CLSTN2: variants seen among roughly 807,000 people sequenced by gnomAD.
CLSTN2 encodes calsyntenin-2.
A neutral mutation model predicts 101.2 loss-of-function variants in CLSTN2; 48 were observed. The observed-to-expected ratio is 0.47, with a 90% confidence interval of 0.38 to 0.60. CLSTN2 has a LOEUF of 0.60. Among genes scored for constraint, CLSTN2 ranks in the 20% least tolerant of loss-of-function variants. The pLI is 0.00. For missense variants in CLSTN2, 1,160 were observed against 1,238.2 expected (o/e 0.94, Z 0.95); for synonymous variants, 481 against 463.6 (o/e 1.04, Z -0.48).
chr3:140,485,355 A>G (rs1934215116), intron 8 of CLSTN2, among the ~76,000 whole-genome samples: 1 of 152,226 alleles, frequency 6.6e-6, no homozygotes, highest in Non-Finnish European at 1.5e-5. Flanking sequence ...GTGAGGTGTC[A>G]GTCGGCCCCT....
rs540082065 is a variant in CLSTN2, at chr3:139,996,421, G to A, written c.109+60938G>A. Among the ~76,000 whole-genome samples the A allele has an allele frequency of 7.9e-5, 12 of 152,066 alleles. No homozygotes were observed. In the East Asian group the frequency reaches 2.1e-3, roughly 27 times the overall value. On this transcript the variant is annotated intron_variant, in intron 1 of 16. Coordinates refer to ENST00000458420, the MANE Select transcript of CLSTN2 (RefSeq NM_022131.3). ...TTTGTTTTTTTTGAGACGGAGTCTCGCTCTGTCGCCCAGGCTGGAGTACAG... is the reference window on the plus strand; with the variant it reads ...TTTGTTTTTTTTGAGACGGAGTCTCACTCTGTCGCCCAGGCTGGAGTACAG...
At chr3:140,165,438 A>G (rs892594701) in intron 1 of CLSTN2, among the ~76,000 whole-genome samples, 1 of 152,204 alleles carries the variant, frequency 6.6e-6, no homozygotes, top group Non-Finnish European at 1.5e-5. Context: ...CTCCCGGTCA[A>G]GGGGCCTCAG....
intron 10 of CLSTN2, among the ~76,000 whole-genome samples, chr3:140,551,729 G>C (rs1333036423): frequency 1.3e-5 from 2 of 151,708 alleles, no homozygotes; most frequent in African/African-American, 4.8e-5. Flanking sequence ...CGAATCTCTT[G>C]TGTATAAAAT....
At position 140,568,918 on chromosome 3, in the gene CLSTN2, A is replaced by G. The variant is rs372864712; in HGVS notation, c.*2665A>G. 6 of 152,068 alleles carry G rather than the reference A, an allele frequency of 3.9e-5. No homozygotes were observed. The highest frequency in any genetic ancestry group is 1.4e-4 in the African/African-American group (6 of 41,468). 9.4% of individuals were successfully genotyped at this position (152,068 alleles called of 1,614,324 possible). A position where few individuals can be genotyped will look rare whatever the true frequency, so the allele number is the denominator to read the frequency against. On this transcript the variant is annotated 3_prime_UTR_variant, in exon 17 of 17. Coordinates refer to ENST00000458420, the MANE Select transcript of CLSTN2 (RefSeq NM_022131.3). ...ATTTGAGGAAGCATTTGGTTGGTGG[A>G]CTCATTTGCAGAGAAACAGTGGTGA...
At chr3:140,176,763 T>G (rs2010331761) in intron 2 of CLSTN2, among the ~76,000 whole-genome samples, 1 of 152,236 alleles carries the variant, frequency 6.6e-6, no homozygotes, top group Non-Finnish European at 1.5e-5. Context: ...GAGGAGGGAT[T>G]AGACAAAGGA....
At chr3:140,305,386 C>T (rs955724838) in intron 2 of CLSTN2, among the ~76,000 whole-genome samples, 9 of 152,124 alleles carry the variant, frequency 5.9e-5, no homozygotes, top group African/African-American at 2.2e-4. Flanking sequence ...CTTCGAAACA[C>T]CTTAAGTTGC....
At chr3:140,557,729 G>A (rs1186179268) in intron 11 of CLSTN2, among the ~76,000 whole-genome samples, 2 of 152,182 alleles carry the variant, frequency 1.3e-5, no homozygotes, top group Non-Finnish European at 1.5e-5. Context: ...GGTGATGGCT[G>A]TCACCAGCTG....
intron 8 of CLSTN2, among the ~76,000 whole-genome samples, chr3:140,472,084 G>A (rs1933863155): frequency 6.6e-6 from 1 of 152,112 alleles, no homozygotes; most frequent in African/African-American, 2.4e-5. Context: ...CACAGAGAAT[G>A]CTAAACTCCC....
At chr3:140,070,448 A>C (rs2008371374) in intron 1 of CLSTN2, among the ~76,000 whole-genome samples, 1 of 152,232 alleles carries the variant, frequency 6.6e-6, no homozygotes. Context: ...AAGGGAACAA[A>C]CAATTTCATA....
intron 10 of CLSTN2, 94 bp from the exon 11 acceptor site, chr3:140,556,419 G>T: frequency 8.3e-7 from 1 of 1,199,564 alleles, no homozygotes. Context: ...TGTTTATGGT[G>T]ACCCTTGGTG....
chr3:140,480,219 G>A (rs1346089516), intron 8 of CLSTN2, among the ~76,000 whole-genome samples: 4 of 151,984 alleles, frequency 2.6e-5, no homozygotes, highest in Non-Finnish European at 4.4e-5. Flanking sequence ...CCTTGCGATA[G>A]TTTGCTGAGA....
Position 140,472,034 on chromosome 3 carries a change from T to G in CLSTN2, c.1344+5303T>G, listed in dbSNP as rs1022590929. On this transcript the variant is annotated intron_variant, in intron 8 of 16. Coordinates refer to ENST00000458420, the MANE Select transcript of CLSTN2 (RefSeq NM_022131.3). ...GGATCCTCTTAAGAGGATTCACCTT[T>G]GTGAATGTTTCCAATTCTCTCTGCC... 2.0e-4 allele frequency among the ~76,000 whole-genome samples: 30 copies of G among 152,296 alleles called. No individual in the cohort carries two copies. In the East Asian group the frequency reaches 5.8e-3, roughly 29 times the overall value.
chr3:140,439,741 G>A lies in CLSTN2; in HGVS notation c.788-8778G>A, dbSNP rs117334442. Among the ~76,000 whole-genome samples, 81 of 109,714 alleles carry A rather than the reference G, an allele frequency of 7.4e-4. No homozygotes were observed. In the East Asian group the frequency reaches 0.013, roughly 17 times the overall value. 72.0% of individuals were successfully genotyped at this position (109,714 alleles called of 152,430 possible). On this transcript the variant is annotated intron_variant, in intron 5 of 16. Coordinates refer to ENST00000458420, the MANE Select transcript of CLSTN2 (RefSeq NM_022131.3). ...CACATGCAAACACACACACGTGCACGTGCACACACACGCACACACACACAC... is the reference window on the plus strand; with the variant it reads ...CACATGCAAACACACACACGTGCACATGCACACACACGCACACACACACAC...
chr3:140,457,516 T>C (rs1933432493), intron 6 of CLSTN2, among the ~76,000 whole-genome samples: 1 of 152,256 alleles, frequency 6.6e-6, no homozygotes, highest in Non-Finnish European at 1.5e-5. Context: ...ATGTCTTTCT[T>C]AGAAATATCT....
chr3:140,219,067 G>T (rs1024620844), intron 2 of CLSTN2, among the ~76,000 whole-genome samples: 1 of 151,966 alleles, frequency 6.6e-6, no homozygotes, highest in Non-Finnish European at 1.5e-5. Flanking sequence ...CTCCATCCAC[G>T]CCCTGGTCCA....
chr3:140,328,996 A>G (rs1451259960), intron 2 of CLSTN2, among the ~76,000 whole-genome samples: 1 of 152,222 alleles, frequency 6.6e-6, no homozygotes, highest in Admixed American at 6.5e-5. Context: ...TGGTTTCTCT[A>G]TCAATTTGAT....
Position 140,167,416 on chromosome 3 carries a change from A to C in CLSTN2, c.110-8535A>C, listed in dbSNP as rs539055043. Among the ~76,000 whole-genome samples, 17 of 152,234 alleles carry C rather than the reference A, an allele frequency of 1.1e-4. No homozygotes were observed. In the South Asian group the frequency reaches 2.7e-3, roughly 24 times the overall value. On this transcript the variant is annotated intron_variant, in intron 1 of 16. Transcript: ENST00000458420. ...AAGTAATCCTGGGTTAGCTTGACTG[A>C]GTTAGCACTTCTCTTTTTCCATAGC...
intron 2 of CLSTN2, among the ~76,000 whole-genome samples, chr3:140,329,968 C>T (rs918759567): frequency 1.3e-4 from 20 of 152,222 alleles, no homozygotes; most frequent in African/African-American, 4.8e-4. Context: ...CCCCTGAGAA[C>T]TGGCAGGATG....
intron 2 of CLSTN2, among the ~76,000 whole-genome samples, chr3:140,309,702 C>A (rs1428280643): frequency 1.3e-5 from 2 of 152,038 alleles, no homozygotes; most frequent in African/African-American, 4.8e-5. Context: ...CAAGAGTCAC[C>A]CCCACGTGCC....
Sources: allele counts gnomAD v4.1 joint callset (sites outside exome capture counted in the v4.1 genomes callset), GRCh38; gene constraint gnomAD v4.1.1; transcripts MANE v1.5; gene names NCBI Gene and HGNC (gene_info 2026-07-23, HGNC 2026-07-21).